Variants in DLGAP4 observed in about 807,000 individuals in gnomAD.
DLGAP4 encodes the protein DLG associated protein 4.
Under a neutral mutation model 86.9 loss-of-function variants are expected in DLGAP4, and 18 were observed. That is an observed-to-expected ratio of 0.21 (90% CI 0.14 to 0.31). The LOEUF (loss-of-function observed/expected upper bound fraction) is 0.31, where lower values mean the gene tolerates loss of function less well. DLGAP4 is among the 10% of genes least tolerant of loss of function. DLGAP4 has a pLI of 1.00. For synonymous variants in DLGAP4, 548 were observed against 574.3 expected, an observed-to-expected ratio of 0.95 and a Z score of 0.65; for missense variants, 1,085 against 1,362.6, an observed-to-expected ratio of 0.80 and a Z score of 3.21.
chr20:36,383,587 G>C (rs866152099), intron 2 of DLGAP4, among the ~76,000 whole-genome samples: 89 of 152,172 alleles, frequency 5.8e-4, no homozygotes, highest in African/African-American at 2.1e-3. Flanking sequence ...AGAACCTCCA[G>C]AAAGCCTTCC....
chr20:36,357,583 T>C (rs1555893927), intron 1 of DLGAP4, among the ~76,000 whole-genome samples: 1 of 152,214 alleles, frequency 6.6e-6, no homozygotes. Flanking sequence ...ATAGAAGGAC[T>C]GGAACTGCTT....
chr20:36,418,134 A>G (rs1299611227), intron 2 of DLGAP4, among the ~76,000 whole-genome samples: 1 of 149,678 alleles, frequency 6.7e-6, no homozygotes, highest in Non-Finnish European at 1.5e-5. Flanking sequence ...TATGTTTCAG[A>G]GGGAGTCTCG....
At chr20:36,520,999 ATTTTAGTATT>A (rs1193136260) in intron 10 of DLGAP4, among the ~76,000 whole-genome samples, 3 of 152,096 alleles carry the variant, frequency 2.0e-5, no homozygotes, top group Non-Finnish European at 4.4e-5. Flanking sequence ...AGCCCGGCTA[ATTTTAGTATT>A]TTTAGTAGAG....
chr20:36,380,288 T>A (rs2031324884), intron 2 of DLGAP4, among the ~76,000 whole-genome samples: 1 of 151,170 alleles, frequency 6.6e-6, no homozygotes, highest in Non-Finnish European at 1.5e-5. Context: ...TGTGTGCCTG[T>A]AGTCCCAGCT....
chr20:36,342,991 G>C (rs2065399118), intron 1 of DLGAP4, among the ~76,000 whole-genome samples: 2 of 152,144 alleles, frequency 1.3e-5, no homozygotes, highest in Admixed American at 6.5e-5. Flanking sequence ...AACAAGGAGG[G>C]CAGGGCACCT....
At chr20:36,424,738 G>GTT (rs34145008) in intron 2 of DLGAP4, among the ~76,000 whole-genome samples, 321 of 139,312 alleles carry the variant, frequency 2.3e-3, no homozygotes, top group Non-Finnish European at 3.7e-3. Context: ...TGTTTTGTTT[G>GTT]TTTTTTTTTT....
intron 7 of DLGAP4, among the ~76,000 whole-genome samples, chr20:36,465,665 T>C (rs2034318107): frequency 6.6e-6 from 1 of 152,174 alleles, no homozygotes; most frequent in Admixed American, 6.5e-5. Flanking sequence ...CGTGGCTTTC[T>C]CATCCTGAGC....
intron 7 of DLGAP4, among the ~76,000 whole-genome samples, chr20:36,491,590 G>A (rs143355446): frequency 9.1e-4 from 139 of 152,132 alleles, no homozygotes; most frequent in African/African-American, 3.0e-3. Flanking sequence ...GAGGTGTGCC[G>A]TGTTTGGGAA....
At chr20:36,326,580 T>G (rs183949204) in intron 1 of DLGAP4, among the ~76,000 whole-genome samples, 16 of 152,330 alleles carry the variant, frequency 1.1e-4, no homozygotes, top group Middle Eastern at 3.4e-3. Flanking sequence ...TGTTTTTGTC[T>G]TGATGGTCAT....
chr20:36,441,915 C>T (rs1438789008), intron 5 of DLGAP4, among the ~76,000 whole-genome samples: 3 of 152,188 alleles, frequency 2.0e-5, no homozygotes, highest in South Asian at 2.1e-4. Context: ...GCTTATTAAT[C>T]GGCCAGGCTG....
intron 7 of DLGAP4, among the ~76,000 whole-genome samples, chr20:36,494,995 T>TTG (rs2035826108): frequency 7.2e-6 from 1 of 139,776 alleles, no homozygotes; most frequent in Non-Finnish European, 1.5e-5. Flanking sequence ...TTTTTTTTTT[T>TTG]TTTTTTTTTT....
At chr20:36,458,233 G>A (rs1432145466) in intron 7 of DLGAP4, among the ~76,000 whole-genome samples, 15 of 151,882 alleles carry the variant, frequency 9.9e-5, no homozygotes, top group South Asian at 2.1e-4. Flanking sequence ...CACTCAGACC[G>A]GGTGCGGTGG....
chr20:36,419,337 C>T (rs2032756689), intron 2 of DLGAP4, among the ~76,000 whole-genome samples: 1 of 151,240 alleles, frequency 6.6e-6, no homozygotes, highest in African/African-American at 2.5e-5. Context: ...CGTTATGTTG[C>T]CCAGGCTGGT....
intron 2 of DLGAP4, among the ~76,000 whole-genome samples, chr20:36,370,003 C>T (rs2147420206): frequency 6.6e-6 from 1 of 152,258 alleles, no homozygotes; most frequent in African/African-American, 2.4e-5. Context: ...ACCAGACAGA[C>T]TGACTTAAGC....
At chr20:36,462,515 T>C in intron 7 of DLGAP4, 1 of 1,600,258 alleles carries the variant, frequency 6.2e-7, no homozygotes, top group Non-Finnish European at 8.5e-7. Flanking sequence ...TGTCTCCCTC[T>C]CCCTTTTTCT....
chr20:36,497,476 G>T, intron 8 of DLGAP4: 1 of 1,024,604 alleles, frequency 9.8e-7, no homozygotes. Context: ...CCATAGCCCC[G>T]CTTGGCGGCA....
intron 7 of DLGAP4, among the ~76,000 whole-genome samples, chr20:36,487,588 C>T (rs992552447): frequency 6.6e-6 from 1 of 152,168 alleles, no homozygotes; most frequent in African/African-American, 2.4e-5. Flanking sequence ...AGCATCTGTC[C>T]TCCCATGCCT....
At position 36,323,482 on chromosome 20, in the gene DLGAP4, C is replaced by T. The variant is rs150016310; in HGVS notation, c.-304+16970C>T. On this transcript the variant is annotated intron_variant, in intron 1 of 12. Coordinates refer to ENST00000339266, the MANE Select transcript of DLGAP4 (RefSeq NM_001365621.2). The stretch of plus-strand genomic sequence containing the variant: ...CTAGTATTCCACTTAGCGAATATGT[C>T]ATACGTTATCCATTCTATTGTTGAT... 7.9e-5 allele frequency among the ~76,000 whole-genome samples: 12 copies of T among 152,264 alleles called. No individual in the cohort carries two copies. In the East Asian group the frequency reaches 1.5e-3, roughly 20 times the overall value.
chr20:36,384,152 G>C (rs544555991), intron 2 of DLGAP4, among the ~76,000 whole-genome samples: 4 of 152,188 alleles, frequency 2.6e-5, no homozygotes, highest in African/African-American at 9.6e-5. Context: ...GTGCTGTTTG[G>C]GGTGCGGGGC....
Sources: gnomAD v4.1 joint callset for allele counts (sites outside exome capture counted in the v4.1 genomes callset) on GRCh38, gnomAD v4.1.1 for gene constraint, MANE v1.5 for transcripts, NCBI Gene and HGNC (gene_info 2026-07-23, HGNC 2026-07-21) for gene names.